The following CEMIP variants were observed in gnomAD, a reference collection of about 807,000 sequenced individuals.
CEMIP encodes cell migration inducing hyaluronidase 1, also known as cell migration-inducing and hyaluronan-binding protein.
In CEMIP, 105 loss-of-function variants were observed where a neutral mutation model predicts 156.9. The ratio of observed to expected loss-of-function variants is 0.67; its 90% CI spans 0.57 to 0.79. The LOEUF is 0.79. Ranked by LOEUF, CEMIP falls within the 30% of genes least tolerant of loss-of-function variation. CEMIP has a pLI of 0.00. For missense variants in CEMIP, 1,457 were observed against 1,769.4 expected (o/e 0.82, Z 3.17); for synonymous variants, 676 against 668.4 (o/e 1.01, Z -0.17).
intron 25 of CEMIP, among the ~76,000 whole-genome samples, chr15:80,941,068 G>C (rs1901317034): frequency 6.6e-6 from 1 of 152,120 alleles, no homozygotes; most frequent in South Asian, 2.1e-4. Context: ...GTGTGCCCCT[G>C]GTCTGAGCAG....
At chr15:80,920,043 C>G (rs1342479273) in intron 14 of CEMIP, 51 bp from the exon 15 acceptor site, 2 of 1,545,224 alleles carry the variant, frequency 1.3e-6, no homozygotes, top group Non-Finnish European at 1.8e-6. Context: ...CATGAATGAG[C>G]ACATGAATAA....
At chr15:80,806,620 T>G (rs940221482) in intron 1 of CEMIP, among the ~76,000 whole-genome samples, 1 of 152,164 alleles carries the variant, frequency 6.6e-6, no homozygotes, top group South Asian at 2.1e-4. Flanking sequence ...CATGGTAAAA[T>G]TAAGTATAAT....
chr15:80,813,454 A>C (rs1896717702), intron 1 of CEMIP, among the ~76,000 whole-genome samples: 1 of 148,438 alleles, frequency 6.7e-6, no homozygotes, highest in African/African-American at 2.5e-5. Flanking sequence ...GGTTCAAGCG[A>C]TTCTCCTGCC....
At chr15:80,837,608 C>T (rs1294670453) in intron 1 of CEMIP, among the ~76,000 whole-genome samples, 4 of 152,340 alleles carry the variant, frequency 2.6e-5, no homozygotes, top group African/African-American at 9.6e-5. Flanking sequence ...CACTGGTTGG[C>T]TGGAAGTCTT....
intron 28 of CEMIP, among the ~76,000 whole-genome samples, chr15:80,943,779 C>T (rs558102500): frequency 3.3e-5 from 5 of 152,314 alleles, no homozygotes; most frequent in African/African-American, 9.6e-5. Context: ...TGTTCATCAC[C>T]AACACTGTTG....
chr15:80,863,850 A>C (rs112371075), intron 1 of CEMIP, among the ~76,000 whole-genome samples: 9 of 152,016 alleles, frequency 5.9e-5, no homozygotes, highest in Non-Finnish European at 1.0e-4. Context: ...CATTCATGGA[A>C]TCCCCCAGAA....
At chr15:80,813,084 G>T (rs1896707582) in intron 1 of CEMIP, among the ~76,000 whole-genome samples, 2 of 152,088 alleles carry the variant, frequency 1.3e-5, no homozygotes, top group Non-Finnish European at 2.9e-5. Flanking sequence ...ATTTGTTTTT[G>T]TCAATAAAGG....
Position 80,929,218 on chromosome 15 carries a change from C to T in CEMIP, c.2612+44C>T, listed in dbSNP as rs112783544. 3.2e-4 allele frequency: 518 copies of T among 1,611,906 alleles called. 3 individuals carry two copies. The African/African-American group carries it at 5.7e-3, about 18-fold the overall frequency. On this transcript the variant is annotated intron_variant, in intron 21 of 29. Coordinates refer to ENST00000394685, the MANE Select transcript of CEMIP (RefSeq NM_001293298.2). ...AGCTCCTTATTCTGAGTGGCTTAACCTAAGTGGCTGTGATGGAAGGGAAAA... is the reference window on the plus strand; with the variant it reads ...AGCTCCTTATTCTGAGTGGCTTAACTTAAGTGGCTGTGATGGAAGGGAAAA...
Position 80,932,564 on chromosome 15 carries a change from G to A in CEMIP, c.2793+525G>A, listed in dbSNP as rs923711882. 3.3e-5 allele frequency among the ~76,000 whole-genome samples: 5 copies of A among 152,136 alleles called. No individual in the cohort carries two copies. The highest frequency in any genetic ancestry group is 4.8e-5 in the African/African-American group (2 of 41,418). On this transcript the variant is annotated intron_variant, in intron 22 of 29. Coordinates refer to ENST00000394685, the MANE Select transcript of CEMIP (RefSeq NM_001293298.2). This position sits in a 1 kb window ranked among gnomAD's most constrained non-coding sequence, Gnocchi z 4.5. ...CAAGGGCTGCCCTGTGAGACCAGCC[G>A]GGGCCAGTCCTCCTGTGCATTTCCT...
intron 6 of CEMIP, among the ~76,000 whole-genome samples, chr15:80,881,781 G>A (rs1233340898): frequency 6.6e-6 from 1 of 152,228 alleles, no homozygotes; most frequent in Admixed American, 6.5e-5. Flanking sequence ...TGGCTGTAGA[G>A]AATGGTTTTA....
At chr15:80,824,510 T>G (rs1896984860) in intron 1 of CEMIP, among the ~76,000 whole-genome samples, 3 of 152,126 alleles carry the variant, frequency 2.0e-5, no homozygotes, top group Admixed American at 2.0e-4. Context: ...GTCTCCAGCA[T>G]CCTCTGCTCC....
At chr15:80,803,047 C>A (rs1401621309) in intron 1 of CEMIP, among the ~76,000 whole-genome samples, 1 of 152,162 alleles carries the variant, frequency 6.6e-6, no homozygotes, top group Non-Finnish European at 1.5e-5. Flanking sequence ...TGGTTGGGCT[C>A]TGGAGGGCTC....
At chr15:80,947,406 C>A (rs1901605310) in intron 29 of CEMIP, 2 of 320,836 alleles carry the variant, frequency 6.2e-6, no homozygotes, top group Admixed American at 8.4e-5. Context: ...CCAATTCCTG[C>A]TATTCAGACT....
intron 1 of CEMIP, among the ~76,000 whole-genome samples, chr15:80,798,181 G>A (rs1472996794): frequency 6.6e-6 from 1 of 152,128 alleles, no homozygotes; most frequent in Non-Finnish European, 1.5e-5. Context: ...TACTACTGAA[G>A]ATAGACACTA....
chr15:80,896,573 G>C (rs1899233047), intron 12 of CEMIP, among the ~76,000 whole-genome samples: 1 of 152,192 alleles, frequency 6.6e-6, no homozygotes, highest in Admixed American at 6.6e-5. Context: ...TCTTGTATCT[G>C]TGAGTTTGGG....
In CEMIP at chr15:80,822,563, T is replaced by C. The variant is rs530417073; in HGVS notation, c.-176+42949T>C. On this transcript the variant is annotated intron_variant, in intron 1 of 29. Coordinates refer to ENST00000394685, the MANE Select transcript of CEMIP (RefSeq NM_001293298.2). ...AAGACCCAGTCTTTCTCCTTGATTT[T>C]CCACATGAAGGACAGAAAAGATTGT... Among the ~76,000 whole-genome samples the C allele has an allele frequency of 1.2e-4, 19 of 152,326 alleles. 1 individual carries two copies. The South Asian group carries it at 3.9e-3, about 32-fold the overall frequency.
chr15:80,823,216 G>T (rs76536976), intron 1 of CEMIP, among the ~76,000 whole-genome samples: 2 of 151,994 alleles, frequency 1.3e-5, no homozygotes, highest in African/African-American at 4.8e-5. Context: ...GGGGAGTCTC[G>T]GCCTGTGTGG....
At chr15:80,802,479 A>G (rs1896402837) in intron 1 of CEMIP, among the ~76,000 whole-genome samples, 1 of 152,182 alleles carries the variant, frequency 6.6e-6, no homozygotes, top group East Asian at 1.9e-4. Context: ...GGATGTGCTC[A>G]GGCCCTGCCC....
chr15:80,916,484 T>G (rs1900279432), intron 14 of CEMIP, among the ~76,000 whole-genome samples: 1 of 152,220 alleles, frequency 6.6e-6, no homozygotes, highest in Non-Finnish European at 1.5e-5. Flanking sequence ...GGGGGAGAAC[T>G]TACATATTAC....
Sources: gnomAD v4.1 joint callset for allele counts (sites outside exome capture counted in the v4.1 genomes callset) on GRCh38, gnomAD v4.1.1 for gene constraint, Gnocchi (gnomAD v3.1) non-coding constraint, MANE v1.5 for transcripts, NCBI Gene and HGNC (gene_info 2026-07-23, HGNC 2026-07-21) for gene names.